Variants in LRRC56 observed in about 807,000 individuals in gnomAD.
LRRC56 encodes leucine-rich repeat-containing protein 56.
A neutral mutation model predicts 47.8 loss-of-function variants in LRRC56; 41 were observed. The ratio of observed to expected loss-of-function variants is 0.86; its 90% CI spans 0.67 to 1.11. LRRC56 has a LOEUF of 1.11. LRRC56 is among the 50% of genes most tolerant of loss of function. LRRC56 has a pLI of 0.00. For synonymous variants in LRRC56, 387 were observed against 311.2 expected (o/e 1.24, Z -2.56); for missense variants, 759 against 704.2 (o/e 1.08, Z -0.88).
chr11:518,729 G>C, the LRRC56 span, among the ~76,000 whole-genome samples: 2 of 152,166 alleles, frequency 1.3e-5, no homozygotes, highest in East Asian at 1.9e-4. Context: ...CAGCCAGCGC[G>C]GAACCGGACG....
the LRRC56 span, among the ~76,000 whole-genome samples, chr11:523,894 C>T: frequency 5.3e-5 from 8 of 152,164 alleles, no homozygotes; most frequent in Non-Finnish European, 2.9e-5. Context: ...TGCCACTGCA[C>T]TCCAGCCTGC....
the LRRC56 span, among the ~76,000 whole-genome samples, chr11:509,584 G>A: frequency 2.6e-5 from 4 of 152,116 alleles, no homozygotes; most frequent in African/African-American, 4.8e-5. Context: ...GTCTCGCTCT[G>A]TCGCCCAGGC....
In LRRC56 at chr11:554,045, G is replaced by A. The variant is rs746149171; in HGVS notation, c.1398G>A (p.Pro466=). Residue 466 remains proline (P), a synonymous_variant, in exon 14 of 14, where the codon CCG becomes CCA. Transcript: ENST00000270115. ...CACGAGATTCTGGCAGCAGCTCCCCGCGGTGGTCGACAGACCTGCAGTCCA... is the reference window on the plus strand; with the variant it reads ...CACGAGATTCTGGCAGCAGCTCCCCACGGTGGTCGACAGACCTGCAGTCCA... ...PRPRDSGSSS[P]RWSTDLQSRG... is the part of the protein sequence containing the mutation. The A allele has an allele frequency of 1.4e-5, 22 of 1,611,726 alleles. No homozygotes were observed. The highest frequency in any genetic ancestry group is 1.6e-4 in the Middle Eastern group (1 of 6,074).
intron 9 of LRRC56, 119 bp from the exon 10 acceptor site, chr11:551,532 C>G: frequency 1.8e-6 from 2 of 1,098,718 alleles, no homozygotes; most frequent in South Asian, 1.6e-5. Flanking sequence ...AAGGCTGCAG[C>G]GTGAGAGGCC....
chr11:526,144 C>T, the LRRC56 span, among the ~76,000 whole-genome samples: 4 of 150,490 alleles, frequency 2.7e-5, no homozygotes, highest in East Asian at 4.0e-4. Context: ...GAGGCGGAGG[C>T]TACAGTGAGC....
chr11:553,970 C>A lies in LRRC56; in HGVS notation c.1323C>A (p.Ser441=). ...ACTCTGCTTGCTTTCTAGAGCCCTC[C>A]GGGACCTCGAGCCAGCACCTGGTCC... ...SSPPSLASEP[S]GTSSQHLVPS... The change falls in exon 14 of 14, where the codon TCC becomes TCA. Residue 441 remains serine, a synonymous_variant. Transcript: ENST00000270115. 6.2e-7 allele frequency: 1 copy of A among 1,611,278 alleles called. No individual in the cohort carries two copies. The highest frequency in any genetic ancestry group is 8.5e-7 in the Non-Finnish European group (1 of 1,179,266).
intron 1 of LRRC56, 99 bp downstream of exon 1, chr11:537,704 G>C (rs1413735047): frequency 6.6e-6 from 1 of 152,382 alleles, no homozygotes; most frequent in Non-Finnish European, 1.5e-5. Context: ...CGGGGACGAA[G>C]CAGCACAGCC....
At chr11:514,582 A>C in the LRRC56 span, among the ~76,000 whole-genome samples, 1 of 151,540 alleles carries the variant, frequency 6.6e-6, no homozygotes, top group Non-Finnish European at 1.5e-5. Context: ...TGCCCAGCCT[A>C]TTATTATTAT....
the LRRC56 span, among the ~76,000 whole-genome samples, chr11:513,926 G>GATCA: frequency 6.6e-6 from 1 of 152,072 alleles, no homozygotes; most frequent in Non-Finnish European, 1.5e-5. Context: ...CCAGCAAAGA[G>GATCA]ATCCCAACTT....
At chr11:533,301 TG>T, upstream of LRRC56, 2 of 1,600,458 alleles carry the variant, frequency 1.2e-6, no homozygotes. Context: ...CTGGGTCACA[TG>T]GGTCCCGGGG....
At chr11:513,372 G>A in the LRRC56 span, among the ~76,000 whole-genome samples, 6 of 152,066 alleles carry the variant, frequency 3.9e-5, no homozygotes, top group Non-Finnish European at 4.4e-5. Flanking sequence ...GGCTGGTCCC[G>A]AACTCCTGGC....
At chr11:527,954 G>A in the LRRC56 span, among the ~76,000 whole-genome samples, 52 of 150,806 alleles carry the variant, frequency 3.4e-4, no homozygotes, top group Admixed American at 2.6e-4. Context: ...CGCCCGCCTC[G>A]GCCTCCCAAG....
chr11:545,015 G>A (rs1852000939), intron 6 of LRRC56, among the ~76,000 whole-genome samples: 1 of 152,070 alleles, frequency 6.6e-6, no homozygotes, highest in African/African-American at 2.4e-5. Flanking sequence ...GGGGGTCTCT[G>A]AGAGGGTCTT....
the LRRC56 span, chr11:506,818 A>T: frequency 6.6e-6 from 1 of 152,434 alleles, no homozygotes; most frequent in East Asian, 1.9e-4. Flanking sequence ...ACGCAGGCGC[A>T]GCCCCGCGCC....
At position 541,646 on chromosome 11, in the gene LRRC56, CATGGCCACGG is replaced by C. The variant is rs767779896; in HGVS notation, c.265+23_265+32del. The C allele has an allele frequency of 2.3e-5, 34 of 1,490,522 alleles. 1 individual carries two copies. In the South Asian group the frequency reaches 3.9e-4, roughly 17 times the overall value. The allele number at this position is 1,490,522 out of a possible 1,614,324, so 92.3% of individuals were successfully genotyped here. On this transcript the variant is annotated intron_variant, in intron 5 of 13. Coordinates refer to ENST00000270115, the MANE Select transcript of LRRC56 (RefSeq NM_198075.4). The surrounding 1 kb of genome is among the most constrained non-coding windows in gnomAD (Gnocchi z 4.1). ...TTTGGTGAGCCTCTTCCCACCCCGC[CATGGCCACGG>C]CCACGGCCACGCCTCCCTGTAAACA...
At position 542,648 on chromosome 11, in the gene LRRC56, G is replaced by A. The variant is rs536234647; in HGVS notation, c.265+1024G>A. ...CGCCAGGTTCCTTCTCTTTCGCCGT[G>A]TTCACGGTGGTGCTGGCCCCTGCTC... On this transcript the variant is annotated intron_variant, in intron 5 of 13. Transcript: ENST00000270115. 2.6e-4 allele frequency among the ~76,000 whole-genome samples: 39 copies of A among 147,892 alleles called. 1 individual carries two copies. Among genetic ancestry groups the A allele is most frequent in the African/African-American group, 1.0e-3 (39 of 39,154 alleles).
At chr11:530,263 T>G in the LRRC56 span, among the ~76,000 whole-genome samples, 6 of 152,314 alleles carry the variant, frequency 3.9e-5, no homozygotes, top group South Asian at 1.2e-3. Flanking sequence ...AGATACCTCC[T>G]GCACAGGGTC....
At chr11:513,449 G>A in the LRRC56 span, among the ~76,000 whole-genome samples, 26 of 152,132 alleles carry the variant, frequency 1.7e-4, no homozygotes, top group African/African-American at 6.0e-4. Flanking sequence ...GTGAGCCACC[G>A]CACCCAGCAA....
rs1852642905 is a variant in LRRC56, at chr11:554,427, A to G, written c.*151A>G. 2 of 638,310 alleles carry G rather than the reference A, an allele frequency of 3.1e-6. No individual in the cohort carries two copies. The highest frequency in any genetic ancestry group is 3.4e-5 in the East Asian group (1 of 29,758). The allele number at this position is 638,310 out of a possible 1,614,324, so 39.5% of individuals were successfully genotyped here. ...CCCTCTTGGTGGAGGGGAGTGGGGG[A>G]CTGGGACCAGCCAGGGAGGCAGCAG... On this transcript the variant is annotated 3_prime_UTR_variant, in exon 14 of 14. Transcript: ENST00000270115.
Sources: allele counts gnomAD v4.1 joint callset (sites outside exome capture counted in the v4.1 genomes callset), GRCh38; gene constraint gnomAD v4.1.1; non-coding constraint Gnocchi (gnomAD v3.1); transcripts MANE v1.5; gene names NCBI Gene and HGNC (gene_info 2026-07-23, HGNC 2026-07-21).